Variants in CTBS observed in about 807,000 individuals in gnomAD.
CTBS encodes chitobiase, also known as di-N-acetylchitobiase.
Under a neutral mutation model 44.3 loss-of-function variants are expected in CTBS, and 35 were observed. That is an observed-to-expected ratio of 0.79 (90% confidence interval 0.60 to 1.05). The LOEUF is 1.05. CTBS is among the 50% of genes least tolerant of loss of function. The pLI, the probability that CTBS is intolerant of heterozygous loss-of-function variation, is 0.00. For synonymous variants in CTBS, 143 were observed against 168.0 expected (o/e 0.85, Z 1.15); for missense variants, 458 against 475.3 (o/e 0.96, Z 0.34).
At chr1:84,568,601 C>A (rs1290825603) in intron 3 of CTBS, among the ~76,000 whole-genome samples, 1 of 152,184 alleles carries the variant, frequency 6.6e-6, no homozygotes, top group East Asian at 1.9e-4. Flanking sequence ...CTATCCCAGA[C>A]CTACTGAGTC....
chr1:84,560,964 A>G (rs1684585341), intron 6 of CTBS, among the ~76,000 whole-genome samples: 1 of 152,208 alleles, frequency 6.6e-6, no homozygotes. Context: ...CACAAGATGA[A>G]TGTTATTTTC....
intron 6 of CTBS, among the ~76,000 whole-genome samples, chr1:84,558,513 G>T (rs544934461): frequency 6.7e-6 from 1 of 150,308 alleles, no homozygotes; most frequent in African/African-American, 2.4e-5. Flanking sequence ...GGATGGTCTC[G>T]ATCTCCTGAC....
chr1:84,569,717 A>G (rs1170316356), intron 3 of CTBS, among the ~76,000 whole-genome samples: 1 of 152,168 alleles, frequency 6.6e-6, no homozygotes, highest in Non-Finnish European at 1.5e-5. Flanking sequence ...GGGTAATCCC[A>G]GTGTTGTATT....
chr1:84,570,044 T>C lies in CTBS; in HGVS notation c.412A>G (p.Ile138Val). 4 of 1,613,726 alleles carry C rather than the reference T, an allele frequency of 2.5e-6. No individual in the cohort carries two copies. Among genetic ancestry groups the C allele is most frequent in the Middle Eastern group, 1.7e-4 (1 of 6,036 alleles). Reference protein sequence around the residue: ...NLAKTQYMDGINIDIEQEVNC... With the variant: ...NLAKTQYMDGVNIDIEQEVNC... Reference sequence around the variant, plus strand: ...ACTTCTTGCTCTATATCTATATTAATTCCATCCATATATTGTGTTTTGGCC... The same window carrying C: ...ACTTCTTGCTCTATATCTATATTAACTCCATCCATATATTGTGTTTTGGCC... The change falls in exon 3 of 7, where the codon ATT (isoleucine) becomes GTT (valine). Residue 138 changes from isoleucine to valine, a missense_variant. Physicochemically the swap from Ile to Val is conservative, Grantham distance 29. Coordinates refer to ENST00000370630, the MANE Select transcript of CTBS (RefSeq NM_004388.3).
chr1:84,569,170 T>C (rs1256657191), intron 3 of CTBS, among the ~76,000 whole-genome samples: 1 of 152,226 alleles, frequency 6.6e-6, no homozygotes, highest in East Asian at 1.9e-4. Flanking sequence ...AAAAAACTCA[T>C]TGTCTAGCCT....
intron 3 of CTBS, 79 bp from the exon 4 acceptor site, chr1:84,566,091 T>A (rs972819520): frequency 1.2e-6 from 1 of 843,840 alleles, no homozygotes; most frequent in African/African-American, 1.8e-5. Flanking sequence ...TTATATATAT[T>A]TTTTACCTTA....
In CTBS at chr1:84,553,118, C is replaced by A; in HGVS notation, c.*1881G>T. ...AAAAAATAATACATCTCTACAATCT[C>A]AATTAGGTATGTTAATTTAAAACTT... On this transcript the variant is annotated 3_prime_UTR_variant, in exon 7 of 7. Coordinates refer to ENST00000370630, the MANE Select transcript of CTBS (RefSeq NM_004388.3). 6.8e-7 allele frequency: 1 copy of A among 1,469,988 alleles called. No individual in the cohort carries two copies. The highest frequency in any genetic ancestry group is 9.1e-7 in the Non-Finnish European group (1 of 1,098,044). The allele number at this position is 1,469,988 out of a possible 1,614,324, so 91.1% of individuals were successfully genotyped here.
intron 6 of CTBS, among the ~76,000 whole-genome samples, chr1:84,560,898 A>G (rs1422479139): frequency 6.6e-6 from 1 of 152,242 alleles, no homozygotes; most frequent in African/African-American, 2.4e-5. Context: ...GATTTCTTTC[A>G]AAATATTACT....
At position 84,553,341 on chromosome 1, in the gene CTBS, T is replaced by C; in HGVS notation, c.*1658A>G. On this transcript the variant is annotated 3_prime_UTR_variant, in exon 7 of 7. Transcript: ENST00000370630. ...TTTTTAACATTCCAAGTCCTTTACA[T>C]ATTATTTTACAGTGCTAATTTTATA... The C allele has an allele frequency of 4.3e-6, 1 of 231,428 alleles. No homozygotes were observed. Among genetic ancestry groups the C allele is most frequent in the Non-Finnish European group, 8.7e-6 (1 of 115,472 alleles). The allele number at this position is 231,428 out of a possible 1,614,324, so 14.3% of individuals were successfully genotyped here.
At chr1:84,566,108 A>C in intron 3 of CTBS, 96 bp from the exon 4 acceptor site, 2 of 667,320 alleles carry the variant, frequency 3.0e-6, no homozygotes, top group Non-Finnish European at 4.4e-6. Context: ...CTTATACTAC[A>C]CAAGGAAAAG....
In CTBS at chr1:84,551,729, A is replaced by G. The variant is rs1684278914; in HGVS notation, c.*3270T>C. The G allele has an allele frequency of 6.6e-6, 1 of 152,166 alleles. No homozygotes were observed. The highest frequency in any genetic ancestry group is 1.5e-5 in the Non-Finnish European group (1 of 68,000). 9.4% of individuals were successfully genotyped at this position (152,166 alleles called of 1,614,324 possible). A position where few individuals can be genotyped will look rare whatever the true frequency, so the allele number is the denominator to read the frequency against. On this transcript the variant is annotated 3_prime_UTR_variant, in exon 7 of 7. Transcript: ENST00000370630. ...AGAGCAGAGGATAATTTTTAACAAA[A>G]TATCAGTTAAATATGCACTCAAAAA...
intron 6 of CTBS, among the ~76,000 whole-genome samples, chr1:84,556,348 T>C (rs1351262689): frequency 6.6e-6 from 1 of 152,154 alleles, no homozygotes; most frequent in East Asian, 1.9e-4. Context: ...GGAAACTCCT[T>C]AAAGGCATTT....
intron 1 of CTBS, among the ~76,000 whole-genome samples, chr1:84,573,168 AG>A (rs1439640478): frequency 2.0e-5 from 3 of 152,232 alleles, no homozygotes; most frequent in African/African-American, 7.2e-5. Context: ...TTAACCTATC[AG>A]AAACTGCCAA....
rs376746415 is a variant in CTBS at position 84,563,315 on chromosome 1, C to T, written c.899G>A (p.Ser300Asn). Residue 300 changes from serine to asparagine, a missense_variant, in exon 6 of 7, where the codon AGT (serine) becomes AAT (asparagine). Ser to Asn is a conservative substitution (Grantham distance 46). Coordinates refer to ENST00000370630, the MANE Select transcript of CTBS (RefSeq NM_004388.3). ...PYKTIMKQINSSISGNLWDKD... is the reference protein window; with the variant it reads ...PYKTIMKQINNSISGNLWDKD... Reference sequence around the variant, plus strand: ...ATCCCATAGGTTTCCAGAAATAGAACTATTTATTTGCTTCATGATCGTTTT... The same window carrying T: ...ATCCCATAGGTTTCCAGAAATAGAATTATTTATTTGCTTCATGATCGTTTT... The T allele has an allele frequency of 8.1e-6, 13 of 1,596,500 alleles. No individual in the cohort carries two copies. The highest frequency in any genetic ancestry group is 1.1e-5 in the Non-Finnish European group (13 of 1,171,996).
chr1:84,563,455 A>G (rs767600979), intron 5 of CTBS, 37 bp from the exon 6 acceptor site: 2 of 1,391,024 alleles, frequency 1.4e-6, no homozygotes, highest in East Asian at 5.3e-5. Context: ...TATATTATCA[A>G]TTATGCAATT....
At position 84,563,282 on chromosome 1, in the gene CTBS, T is replaced by A; in HGVS notation, c.932A>T (p.Gln311Leu). 1 of 1,570,292 alleles carries A rather than the reference T, an allele frequency of 6.4e-7. No individual in the cohort carries two copies. Among genetic ancestry groups the A allele is most frequent in the South Asian group, 1.2e-5 (1 of 84,500 alleles). ...TTTATAGTTATAATAAGGAGCCCGC[T>A]GATCTTTATCCCATAGGTTTCCAGA... The part of the protein sequence containing the change: ...SISGNLWDKD[Q>L]RAPYYNYKDP... The change falls in exon 6 of 7, where the codon CAG (glutamine) becomes CTG (leucine). Residue 311 changes from glutamine to leucine, a missense_variant. By Grantham distance (113) the Gln-to-Leu change is moderately radical. Transcript: ENST00000370630.
rs2102034753 is a variant in CTBS at position 84,574,368 on chromosome 1, C to T, written c.48G>A (p.Pro16=). 1 of 1,567,876 alleles carries T rather than the reference C, an allele frequency of 6.4e-7. No individual in the cohort carries two copies. The highest frequency in any genetic ancestry group is 8.6e-7 in the Non-Finnish European group (1 of 1,157,074). The stretch of plus-strand genomic sequence containing the variant: ...GCAGCGCTAGACCCGGGACGCCGCT[C>T]GGCGGGCTAGAGACGAGGCGCCAGC... ...LRRWRLVSSP[P]SGVPGLALLA... Residue 16 remains proline, a synonymous_variant, in exon 1 of 7, where the codon CCG becomes CCA. Transcript: ENST00000370630.
At chr1:84,559,475 A>G (rs2102020486) in intron 6 of CTBS, among the ~76,000 whole-genome samples, 1 of 152,178 alleles carries the variant, frequency 6.6e-6, no homozygotes, top group Non-Finnish European at 1.5e-5. Flanking sequence ...ACAAAAAATT[A>G]GCCGGGCATG....
At chr1:84,557,533 C>CAAAAAAA (rs56101174) in intron 6 of CTBS, among the ~76,000 whole-genome samples, 3 of 55,436 alleles carry the variant, frequency 5.4e-5, no homozygotes, top group Non-Finnish European at 1.1e-4. Context: ...AACTCCATCT[C>CAAAAAAA]AAAAAAAAAA....
Sources: gnomAD v4.1 joint callset for allele counts (sites outside exome capture counted in the v4.1 genomes callset) on GRCh38, gnomAD v4.1.1 for gene constraint, MANE v1.5 for transcripts, NCBI Gene and HGNC (gene_info 2026-07-23, HGNC 2026-07-21) for gene names.